The following ATP13A5 variants were observed in gnomAD, a reference collection of about 807,000 sequenced individuals.
The protein encoded by ATP13A5 is probable cation-transporting ATPase 13A5.
ATP13A5 carries 149 observed loss-of-function variants against 150.2 expected under a neutral mutation model. The ratio of observed to expected loss-of-function variants is 0.99; its 90% CI spans 0.87 to 1.14. The LOEUF (loss-of-function observed/expected upper bound fraction) is 1.14, where lower values mean the gene tolerates loss of function less well. ATP13A5 is among the 50% of genes most tolerant of loss of function. ATP13A5 has a pLI of 0.00. For missense variants in ATP13A5, 1,383 were observed against 1,449.3 expected, an observed-to-expected ratio of 0.95 and a Z score of 0.74; for synonymous variants, 497 against 522.2, an observed-to-expected ratio of 0.95 and a Z score of 0.66.
At chr3:193,319,167 G>T (rs1719167337) in intron 16 of ATP13A5, 59 bp from the exon 17 acceptor site, 10 of 1,219,424 alleles carry the variant, frequency 8.2e-6, no homozygotes, top group Non-Finnish European at 1.2e-5. Flanking sequence ...GTCTAAGCAA[G>T]ACTCCAGGAC....
chr3:193,346,965 AG>A (rs1280149972), intron 7 of ATP13A5, among the ~76,000 whole-genome samples: 3 of 152,124 alleles, frequency 2.0e-5, no homozygotes, highest in African/African-American at 7.2e-5. Context: ...AGGATTTCTG[AG>A]TCGTAGGTCA....
At chr3:193,374,676 C>T (rs1713578718) in intron 1 of ATP13A5, among the ~76,000 whole-genome samples, 1 of 151,702 alleles carries the variant, frequency 6.6e-6, no homozygotes, top group African/African-American at 2.4e-5. Flanking sequence ...CACACACACG[C>T]ATACATAGTG....
rs1190194378 is a variant in ATP13A5, at chr3:193,324,858, C to T, written c.1674+6G>A. The T allele has an allele frequency of 3.7e-6, 6 of 1,612,796 alleles. No homozygotes were observed. Among genetic ancestry groups the T allele is most frequent in the Admixed American group, 1.7e-5 (1 of 59,750 alleles). On this transcript the variant is annotated splice_donor_region_variant and intron_variant, in intron 14 of 29. Transcript: ENST00000342358. The stretch of plus-strand genomic sequence containing the variant: ...TTCTCATCTTTCCATTAAACTATCA[C>T]CTTACCCAGGCAGTGCCCTCAAACA...
intron 10 of ATP13A5, among the ~76,000 whole-genome samples, chr3:193,334,343 A>G (rs898336744): frequency 6.6e-6 from 1 of 152,106 alleles, no homozygotes; most frequent in Admixed American, 6.6e-5. Context: ...AAAGACTGGG[A>G]CTCAGGAAGT....
intron 9 of ATP13A5, among the ~76,000 whole-genome samples, chr3:193,339,215 T>C (rs1712019504): frequency 6.6e-6 from 1 of 152,126 alleles, no homozygotes; most frequent in South Asian, 2.1e-4. Context: ...TTTTAAGGGT[T>C]TTTTGTGTCT....
At chr3:193,281,170 T>G (rs1717477805) in intron 27 of ATP13A5, 25 of 985,250 alleles carry the variant, frequency 2.5e-5, no homozygotes, top group Non-Finnish European at 2.9e-5. Flanking sequence ...AATAGCTGTG[T>G]GGATTTTTCA....
In ATP13A5 at chr3:193,314,040, C is replaced by T; in HGVS notation, c.2312G>A (p.Gly771Glu). Residue 771 changes from glycine to glutamate, a missense_variant, in exon 19 of 30, where the codon GGG becomes GAG. Transcript: ENST00000342358. ...QLVENQETGP[G>E]KKEIYMHTGN... ...CTTCTAACATTTGCTCACTTTCTTC[C>T]CAGGTCCAGTCTCTTGGTTCTCCAC... 2 of 1,612,922 alleles carry T rather than the reference C, an allele frequency of 1.2e-6. No individual in the cohort carries two copies. The highest frequency in any genetic ancestry group is 1.7e-6 in the Non-Finnish European group (2 of 1,179,780).
At chr3:193,347,524 C>CTTTTTTTTT (rs1553820269) in intron 7 of ATP13A5, among the ~76,000 whole-genome samples, 6,771 of 144,536 alleles carry the variant, frequency 0.047, 495 homozygotes, top group African/African-American at 0.16. Context: ...CCTTAGATTT[C>CTTTTTTTTT]TTTTTTTTTT....
intron 23 of ATP13A5, among the ~76,000 whole-genome samples, chr3:193,304,351 T>C (rs1718528016): frequency 1.3e-5 from 2 of 152,224 alleles, no homozygotes; most frequent in African/African-American, 4.8e-5. Flanking sequence ...AGACACCCAG[T>C]GTTCAGGGTG....
rs564483166 is a variant in ATP13A5, at chr3:193,347,163, A to G, written c.742-2088T>C. On this transcript the variant is annotated intron_variant, in intron 7 of 29. Transcript: ENST00000342358. ...ATGTATTTAAAACCTGCAAGGCATC[A>G]TAGAAGAAATACACATGGTATATAA... is the stretch of plus-strand genomic sequence containing the variant. 6.8e-4 allele frequency among the ~76,000 whole-genome samples: 103 copies of G among 152,346 alleles called. 1 individual carries two copies. The highest frequency in any genetic ancestry group is 1.3e-3 in the Non-Finnish European group (89 of 68,032).
chr3:193,366,407 G>A (rs1713238498), intron 1 of ATP13A5, among the ~76,000 whole-genome samples: 1 of 152,004 alleles, frequency 6.6e-6, no homozygotes, highest in African/African-American at 2.4e-5. Flanking sequence ...GAAGGGGAAA[G>A]TATACTGGGC....
At chr3:193,339,694 G>A (rs10937582) in intron 9 of ATP13A5, among the ~76,000 whole-genome samples, 17,230 of 151,776 alleles carry the variant, frequency 0.11, 1,320 homozygotes, top group Non-Finnish European at 0.15. Flanking sequence ...CTATGGCTTC[G>A]TAGAAGGGTT....
At chr3:193,297,664 G>A (rs1436047045) in intron 25 of ATP13A5, among the ~76,000 whole-genome samples, 1 of 151,958 alleles carries the variant, frequency 6.6e-6, no homozygotes, top group Admixed American at 6.6e-5. Flanking sequence ...CGGTCCCACT[G>A]TGAGTCATCC....
At chr3:193,346,634 TG>T (rs1712349409) in intron 7 of ATP13A5, among the ~76,000 whole-genome samples, 1 of 152,188 alleles carries the variant, frequency 6.6e-6, no homozygotes, top group Non-Finnish European at 1.5e-5. Context: ...TCTGTTCTGT[TG>T]GTGATATTTA....
chr3:193,338,660 T>G (rs1577358236), intron 9 of ATP13A5, among the ~76,000 whole-genome samples: 1 of 152,218 alleles, frequency 6.6e-6, no homozygotes, highest in East Asian at 1.9e-4. Context: ...GATTTTTGCA[T>G]CGATGTTCAT....
At chr3:193,315,891 A>C (rs925305945) in intron 17 of ATP13A5, among the ~76,000 whole-genome samples, 2 of 151,916 alleles carry the variant, frequency 1.3e-5, no homozygotes, top group African/African-American at 4.8e-5. Context: ...TGTTAAAATC[A>C]CTTCTCTAGA....
chr3:193,282,162 T>C (rs1305542228), intron 27 of ATP13A5, among the ~76,000 whole-genome samples: 7 of 151,916 alleles, frequency 4.6e-5, no homozygotes, highest in Non-Finnish European at 8.8e-5. Flanking sequence ...GCCACTGCAC[T>C]CCAGCCTGGG....
chr3:193,288,274 G>A lies in ATP13A5; in HGVS notation c.3023+1611C>T, dbSNP rs147515202. 4.7e-3 allele frequency among the ~76,000 whole-genome samples: 715 copies of A among 152,248 alleles called. 7 individuals carry two copies. The highest frequency in any genetic ancestry group is 0.024 in the Middle Eastern group (7 of 294). On this transcript the variant is annotated intron_variant, in intron 26 of 29. Transcript: ENST00000342358. ...TTCACTTCAAATTTGAAAGTACTGA[G>A]ATGGGATAAAATGCTATTAAACAGC...
At chr3:193,343,863 T>G in intron 9 of ATP13A5, 64 bp downstream of exon 9, 1 of 1,552,968 alleles carries the variant, frequency 6.4e-7, no homozygotes. Flanking sequence ...ATAAGGTAGG[T>G]GAGGATATGT....
Sources: gnomAD v4.1 joint callset for allele counts (sites outside exome capture counted in the v4.1 genomes callset) on GRCh38, gnomAD v4.1.1 for gene constraint, MANE v1.5 for transcripts, NCBI Gene and HGNC (gene_info 2026-07-23, HGNC 2026-07-21) for gene names.